Variants in SPAG16 observed in about 807,000 individuals in gnomAD.
The protein encoded by SPAG16 is sperm-associated antigen 16 protein.
Under a neutral mutation model 80.4 loss-of-function variants are expected in SPAG16, and 86 were observed. The ratio of observed to expected loss-of-function variants is 1.07; its 90% CI spans 0.90 to 1.28. The LOEUF (loss-of-function observed/expected upper bound fraction) is 1.28. SPAG16 is among the 50% of genes most tolerant of loss of function. The pLI is 0.00. For synonymous variants in SPAG16, 294 were observed against 265.9 expected (o/e 1.11, Z -1.03); for missense variants, 870 against 765.3 (o/e 1.14, Z -1.61).
chr2:214,156,385 G>A (rs771638040), intron 15 of SPAG16, among the ~76,000 whole-genome samples: 15 of 152,172 alleles, frequency 9.9e-5, no homozygotes, highest in Non-Finnish European at 1.6e-4. Flanking sequence ...TGAGAAAACT[G>A]AGAGACAAAG....
intron 11 of SPAG16, among the ~76,000 whole-genome samples, chr2:213,879,247 G>A (rs2106019765): frequency 6.6e-6 from 1 of 151,756 alleles, no homozygotes; most frequent in East Asian, 1.9e-4. Flanking sequence ...GGATAGTATA[G>A]TCATTGATAT....
chr2:213,654,711 C>A, intron 10 of SPAG16, among the ~76,000 whole-genome samples: 1 of 144,590 alleles, frequency 6.9e-6, no homozygotes, highest in African/African-American at 2.7e-5. Context: ...AGTGAGACTC[C>A]ATCTCAAAAA....
intron 10 of SPAG16, among the ~76,000 whole-genome samples, chr2:213,526,890 A>C (rs2075905468): frequency 6.6e-6 from 1 of 152,194 alleles, no homozygotes; most frequent in African/African-American, 2.4e-5. Flanking sequence ...GGTGAGGAAC[A>C]GTATCTATGT....
intron 5 of SPAG16, among the ~76,000 whole-genome samples, chr2:213,328,522 C>G (rs989627293): frequency 6.6e-6 from 1 of 152,098 alleles, no homozygotes; most frequent in African/African-American, 2.4e-5. Context: ...TACTTAAATT[C>G]TCTCCTCCTC....
At chr2:214,165,888 T>C (rs1488180216) in intron 15 of SPAG16, among the ~76,000 whole-genome samples, 1 of 152,096 alleles carries the variant, frequency 6.6e-6, no homozygotes, top group Non-Finnish European at 1.5e-5. Flanking sequence ...AAAATGAGTT[T>C]CTCATTTAGG....
At chr2:214,274,139 T>C (rs1282276773) in intron 15 of SPAG16, among the ~76,000 whole-genome samples, 1 of 152,252 alleles carries the variant, frequency 6.6e-6, no homozygotes, top group Non-Finnish European at 1.5e-5. Context: ...TCTTTACACA[T>C]TGATTTTGTA....
intron 10 of SPAG16, among the ~76,000 whole-genome samples, chr2:213,759,421 T>C (rs1483179540): frequency 6.6e-6 from 1 of 152,070 alleles, no homozygotes; most frequent in Admixed American, 6.6e-5. Flanking sequence ...CTAATGAATT[T>C]AAAATACTTA....
At chr2:214,191,054 T>C (rs2057646729) in intron 15 of SPAG16, among the ~76,000 whole-genome samples, 1 of 152,120 alleles carries the variant, frequency 6.6e-6, no homozygotes, top group Admixed American at 6.6e-5. Context: ...AGGCTTACTA[T>C]GGGTCAGAAA....
At chr2:213,790,844 A>G (rs1328779897) in intron 10 of SPAG16, among the ~76,000 whole-genome samples, 2 of 152,100 alleles carry the variant, frequency 1.3e-5, no homozygotes, top group African/African-American at 4.8e-5. Flanking sequence ...ATGCACATCA[A>G]GATGTCTGAA....
In SPAG16 at chr2:213,913,498, C is replaced by CTGTG. The variant is rs143573914; in HGVS notation, c.1215-16448_1215-16445dup. On this transcript the variant is annotated intron_variant, in intron 11 of 15. Coordinates refer to ENST00000331683, the MANE Select transcript of SPAG16 (RefSeq NM_024532.5). ...AATATGTGTGTGTGTGTCTGTGTGT[C>CTGTG]TGTGTGTGTGTGTGTGTCTGTATGT... 1.1e-3 allele frequency among the ~76,000 whole-genome samples: 154 copies of CTGTG among 136,606 alleles called. No individual in the cohort carries two copies. The Middle Eastern group carries it at 0.015, about 13-fold the overall frequency. 89.6% of individuals were successfully genotyped at this position (136,606 alleles called of 152,430 possible).
intron 12 of SPAG16, among the ~76,000 whole-genome samples, chr2:213,962,135 C>T (rs528065423): frequency 5.3e-5 from 8 of 151,500 alleles, no homozygotes; most frequent in East Asian, 1.9e-4. Flanking sequence ...GCATTTAAAG[C>T]GGTAATTATG....
intron 10 of SPAG16, among the ~76,000 whole-genome samples, chr2:213,683,112 A>G (rs1159986737): frequency 6.6e-6 from 1 of 152,206 alleles, no homozygotes; most frequent in Non-Finnish European, 1.5e-5. Context: ...TTATTGATTA[A>G]ACACAGCTCT....
At chr2:213,604,241 G>A (rs994416230) in intron 10 of SPAG16, among the ~76,000 whole-genome samples, 1 of 152,066 alleles carries the variant, frequency 6.6e-6, no homozygotes, top group African/African-American at 2.4e-5. Flanking sequence ...TGTTTTTAGG[G>A]AGGCCTTTTC....
intron 10 of SPAG16, among the ~76,000 whole-genome samples, chr2:213,702,387 T>G (rs2065485598): frequency 6.6e-6 from 1 of 152,236 alleles, no homozygotes; most frequent in African/African-American, 2.4e-5. Flanking sequence ...TGCTGCTGTT[T>G]GGGTCCATGC....
chr2:213,970,440 T>C (rs1179347258), intron 12 of SPAG16, among the ~76,000 whole-genome samples: 1 of 152,080 alleles, frequency 6.6e-6, no homozygotes, highest in Admixed American at 6.6e-5. Context: ...TAGCTGGGAC[T>C]ACAGGCGCCC....
intron 10 of SPAG16, among the ~76,000 whole-genome samples, chr2:213,763,916 A>G (rs1308726319): frequency 6.6e-6 from 1 of 152,218 alleles, no homozygotes; most frequent in African/African-American, 2.4e-5. Flanking sequence ...TATGAGAAGG[A>G]CTAATGAGCG....
chr2:213,956,517 G>A (rs1052327731), intron 12 of SPAG16, among the ~76,000 whole-genome samples: 2 of 144,726 alleles, frequency 1.4e-5, no homozygotes, highest in East Asian at 2.1e-4. Flanking sequence ...GTGTAATCTC[G>A]GCTCACTGCA....
At chr2:213,312,840 A>C (rs1240081763) in intron 4 of SPAG16, among the ~76,000 whole-genome samples, 1 of 151,844 alleles carries the variant, frequency 6.6e-6, no homozygotes, top group East Asian at 1.9e-4. Context: ...TAATCACTTA[A>C]ATGTGAGCAG....
chr2:213,768,356 A>T (rs1403671361), intron 10 of SPAG16, among the ~76,000 whole-genome samples: 1 of 152,210 alleles, frequency 6.6e-6, no homozygotes, highest in African/African-American at 2.4e-5. Flanking sequence ...TTCTAACACC[A>T]GTGCCAAGAG....
Sources: allele counts gnomAD v4.1 joint callset (sites outside exome capture counted in the v4.1 genomes callset), GRCh38; gene constraint gnomAD v4.1.1; transcripts MANE v1.5; gene names NCBI Gene and HGNC (gene_info 2026-07-23, HGNC 2026-07-21).